Variants in ERGIC1 observed in about 807,000 individuals in gnomAD.
ERGIC1 encodes endoplasmic reticulum-golgi intermediate compartment 1, also known as endoplasmic reticulum-Golgi intermediate compartment protein 1.
In ERGIC1, 19 loss-of-function variants were observed where a neutral mutation model predicts 38.3. The observed-to-expected ratio is 0.50, with a 90% CI of 0.35 to 0.73. The LOEUF (loss-of-function observed/expected upper bound fraction) is 0.73. Ranked by LOEUF, ERGIC1 falls within the 30% of genes least tolerant of loss-of-function variation. The pLI, the probability that ERGIC1 is intolerant of heterozygous loss-of-function variation, is 0.01. For synonymous variants in ERGIC1, 124 were observed against 157.6 expected (o/e 0.79, Z 1.60); for missense variants, 294 against 389.2 (o/e 0.76, Z 2.06).
At chr5:172,932,351 A>T in intron 7 of ERGIC1, 85 bp from the exon 8 acceptor site, 1 of 1,396,582 alleles carries the variant, frequency 7.2e-7, no homozygotes. Flanking sequence ...TGCCCAGGGA[A>T]TTTAGGCTTA....
At chr5:172,915,905 C>T (rs923404712) in intron 5 of ERGIC1, 13 of 283,382 alleles carry the variant, frequency 4.6e-5, no homozygotes, top group African/African-American at 2.9e-4. Flanking sequence ...ACATCCAGCC[C>T]AAAGATAAAT....
chr5:172,913,333 C>T (rs567626462), intron 4 of ERGIC1, among the ~76,000 whole-genome samples: 8 of 152,386 alleles, frequency 5.2e-5, no homozygotes, highest in Non-Finnish European at 1.0e-4. Flanking sequence ...AGCAGCTTTG[C>T]ACACACATCT....
Position 172,926,791 on chromosome 5 carries a change from A to C in ERGIC1, c.541+222A>C, listed in dbSNP as rs933880026. 8 of 584,716 alleles carry C rather than the reference A, an allele frequency of 1.4e-5. No homozygotes were observed. Among genetic ancestry groups the C allele is most frequent in the African/African-American group, 1.1e-4 (6 of 53,624 alleles). 36.2% of individuals were successfully genotyped at this position (584,716 alleles called of 1,614,324 possible). The stretch of plus-strand genomic sequence containing the variant: ...AGGAAGAAGGCTTGTCCCGGGGCAC[A>C]GCAGACGCACGCACGCAGTGGATAC... On this transcript the variant is annotated intron_variant, in intron 7 of 9. Coordinates refer to ENST00000393784, the MANE Select transcript of ERGIC1 (RefSeq NM_001031711.3). The surrounding 1 kb of genome is among the most constrained non-coding windows in gnomAD (Gnocchi z 5.2).
chr5:172,872,073 T>A (rs1762028708), intron 1 of ERGIC1, among the ~76,000 whole-genome samples: 1 of 152,170 alleles, frequency 6.6e-6, no homozygotes, highest in Non-Finnish European at 1.5e-5. Context: ...TTCGCTGTGC[T>A]CCCAGCCCAG....
intron 3 of ERGIC1, chr5:172,898,648 T>C (rs1239829439): frequency 2.0e-5 from 3 of 152,228 alleles, no homozygotes; most frequent in Non-Finnish European, 4.4e-5. Context: ...TACTTTGCTG[T>C]GTGACCCTAT....
At chr5:172,937,583 T>C (rs561147781) in intron 9 of ERGIC1, 1 of 152,178 alleles carries the variant, frequency 6.6e-6, no homozygotes, top group Non-Finnish European at 1.5e-5. Flanking sequence ...GGTGGGAGGA[T>C]TGCTTGAGCG....
chr5:172,868,689 A>G (rs1001163055), intron 1 of ERGIC1, among the ~76,000 whole-genome samples: 1 of 152,202 alleles, frequency 6.6e-6, no homozygotes, highest in East Asian at 1.9e-4. Context: ...CCTGATGTCA[A>G]GTATGGACTT....
chr5:172,869,127 A>T (rs147278275), intron 1 of ERGIC1, among the ~76,000 whole-genome samples: 1 of 152,250 alleles, frequency 6.6e-6, no homozygotes, highest in African/African-American at 2.4e-5. Flanking sequence ...TTGGGTGACT[A>T]GCAGAGGCTG....
chr5:172,842,865 C>T (rs1366989958), intron 1 of ERGIC1, among the ~76,000 whole-genome samples: 5 of 152,134 alleles, frequency 3.3e-5, no homozygotes, highest in Non-Finnish European at 5.9e-5. Flanking sequence ...GGTTTTTGGC[C>T]AGGCATGGTG....
chr5:172,934,855 G>A (rs113997901), intron 8 of ERGIC1: 117 of 330,918 alleles, frequency 3.5e-4, no homozygotes, highest in Non-Finnish European at 5.4e-4. Context: ...TGGATTTCGC[G>A]TGGCCCAGAG....
chr5:172,927,266 T>C (rs1763675452), intron 7 of ERGIC1, among the ~76,000 whole-genome samples: 2 of 152,186 alleles, frequency 1.3e-5, no homozygotes, highest in South Asian at 4.1e-4. Flanking sequence ...ATTTTTCTTA[T>C]TTCCTCACCT....
At chr5:172,844,646 G>C (rs1358517121) in intron 1 of ERGIC1, among the ~76,000 whole-genome samples, 3 of 152,148 alleles carry the variant, frequency 2.0e-5, no homozygotes, top group Non-Finnish European at 4.4e-5. Flanking sequence ...CAGCCTCGGG[G>C]CCCCATCCCA....
Position 172,926,648 on chromosome 5 carries a change from G to A in ERGIC1, c.541+79G>A, listed in dbSNP as rs1290673428. 3.3e-6 allele frequency: 5 copies of A among 1,519,270 alleles called. No homozygotes were observed. Among genetic ancestry groups the A allele is most frequent in the Middle Eastern group, 1.7e-4 (1 of 5,870 alleles). 94.1% of individuals were successfully genotyped at this position (1,519,270 alleles called of 1,614,324 possible). On this transcript the variant is annotated intron_variant, in intron 7 of 9. Transcript: ENST00000393784. The surrounding 1 kb of genome is among the most constrained non-coding windows in gnomAD (Gnocchi z 5.2). ...GCAGGGAGGGGGAGGGCAGAGAGGT[G>A]GGGGTGCCTGTCCAGCACCCACTCC...
chr5:172,877,467 T>A (rs1457371880), intron 1 of ERGIC1, among the ~76,000 whole-genome samples: 41 of 143,724 alleles, frequency 2.9e-4, no homozygotes, highest in African/African-American at 9.6e-4. Context: ...TATTTTTTTT[T>A]TTTTTTTTTG....
intron 2 of ERGIC1, 146 bp downstream of exon 2, chr5:172,888,906 A>G: frequency 2.6e-6 from 2 of 766,074 alleles, no homozygotes; most frequent in Non-Finnish European, 4.6e-6. Flanking sequence ...GGGGCCCTTC[A>G]AGCATTTCCT....
chr5:172,889,945 C>T (rs942362866), intron 2 of ERGIC1, among the ~76,000 whole-genome samples: 7 of 152,186 alleles, frequency 4.6e-5, no homozygotes, highest in Admixed American at 4.6e-4. Context: ...TTGGGATACT[C>T]AACGTGTATG....
At chr5:172,885,713 G>GC (rs199864905) in intron 1 of ERGIC1, among the ~76,000 whole-genome samples, 61 of 152,054 alleles carry the variant, frequency 4.0e-4, no homozygotes, top group Admixed American at 1.4e-3. Context: ...CTTTCCTGCT[G>GC]CTCATTTCTC....
intron 3 of ERGIC1, among the ~76,000 whole-genome samples, chr5:172,903,831 AC>A (rs1561727048): frequency 6.6e-6 from 1 of 151,800 alleles, no homozygotes; most frequent in Admixed American, 6.6e-5. Flanking sequence ...CAGGATTCGA[AC>A]CCTGGTAGCC....
chr5:172,916,801 C>A (rs1417572410), intron 5 of ERGIC1: 1 of 152,042 alleles, frequency 6.6e-6, no homozygotes, highest in Non-Finnish European at 1.5e-5. Context: ...CATGGTGAAA[C>A]CCTGCCTCTA....
Sources: gnomAD v4.1 joint callset for allele counts (sites outside exome capture counted in the v4.1 genomes callset) on GRCh38, gnomAD v4.1.1 for gene constraint, Gnocchi (gnomAD v3.1) non-coding constraint, MANE v1.5 for transcripts, NCBI Gene and HGNC (gene_info 2026-07-23, HGNC 2026-07-21) for gene names.